Variants in ASTN2 observed in about 807,000 individuals in gnomAD.
ASTN2 encodes the protein astrotactin 2.
Under a neutral mutation model 139.8 loss-of-function variants are expected in ASTN2, and 54 were observed. The observed-to-expected ratio is 0.39, with a 90% CI of 0.31 to 0.48. The LOEUF (loss-of-function observed/expected upper bound fraction) is 0.48, where lower values mean the gene tolerates loss of function less well. Ranked by LOEUF, ASTN2 falls within the 20% of genes least tolerant of loss-of-function variation. The pLI, the probability that ASTN2 is intolerant of heterozygous loss-of-function variation, is 0.95. For synonymous variants in ASTN2, 756 were observed against 719.5 expected (o/e 1.05, Z -0.81); for missense variants, 1,565 against 1,725.1 (o/e 0.91, Z 1.64).
chr9:116,586,241 T>C (rs1854139265), intron 19 of ASTN2: 2 of 152,222 alleles, frequency 1.3e-5, no homozygotes. Flanking sequence ...AGTTTGGAGA[T>C]TTCTCAAAGA....
intron 3 of ASTN2, among the ~76,000 whole-genome samples, chr9:117,163,624 T>C (rs1454664915): frequency 6.6e-6 from 1 of 152,092 alleles, no homozygotes; most frequent in Non-Finnish European, 1.5e-5. Context: ...TTACTTAGCA[T>C]GGAAGTGGCA....
intron 19 of ASTN2, among the ~76,000 whole-genome samples, chr9:116,529,103 A>T (rs1348401043): frequency 6.6e-6 from 1 of 152,120 alleles, no homozygotes; most frequent in East Asian, 1.9e-4. Context: ...CAGACCCCAG[A>T]ATAGTAAATC....
At chr9:117,176,307 G>A (rs1282850525) in intron 3 of ASTN2, among the ~76,000 whole-genome samples, 2 of 152,084 alleles carry the variant, frequency 1.3e-5, no homozygotes, top group Non-Finnish European at 2.9e-5. Flanking sequence ...ATAAGATTAT[G>A]ATACCATATA....
intron 13 of ASTN2, among the ~76,000 whole-genome samples, chr9:116,746,083 CTTT>C (rs745554164): frequency 4.8e-5 from 6 of 124,260 alleles, no homozygotes; most frequent in Admixed American, 2.5e-4. Context: ...AAACTGAGTA[CTTT>C]TTTTTTTTTT....
intron 7 of ASTN2, among the ~76,000 whole-genome samples, chr9:117,006,830 C>T (rs755595970): frequency 4.6e-5 from 7 of 152,118 alleles, no homozygotes; most frequent in Non-Finnish European, 1.0e-4. Context: ...ATAAACAGCA[C>T]ATTAGGCTGG....
Position 116,974,854 on chromosome 9 carries a change from C to A in ASTN2, c.1889+354G>T, listed in dbSNP as rs181438374. ...TTCATAAATTAGCCCAAAGCACATC[C>A]CATGGACTACAACAGAAAACATCCC... On this transcript the variant is annotated intron_variant, in intron 10 of 22. Coordinates refer to ENST00000313400, the MANE Select transcript of ASTN2 (RefSeq NM_001365068.1). 2.0e-3 allele frequency among the ~76,000 whole-genome samples: 298 copies of A among 152,214 alleles called. 1 individual carries two copies. The highest frequency in any genetic ancestry group is 6.9e-3 in the African/African-American group (287 of 41,546).
intron 3 of ASTN2, among the ~76,000 whole-genome samples, chr9:117,205,793 TATC>T (rs1831900844): frequency 6.6e-6 from 1 of 152,192 alleles, no homozygotes; most frequent in African/African-American, 2.4e-5. Flanking sequence ...TTTCACCCGT[TATC>T]ATCATCAGCC....
intron 13 of ASTN2, among the ~76,000 whole-genome samples, chr9:116,763,691 C>T (rs901074021): frequency 4.6e-5 from 7 of 152,132 alleles, no homozygotes; most frequent in Non-Finnish European, 8.8e-5. Context: ...GAGTTTGTTT[C>T]TTTGTGGGTA....
At chr9:116,718,014 C>T (rs1330663271) in intron 16 of ASTN2, among the ~76,000 whole-genome samples, 2 of 152,210 alleles carry the variant, frequency 1.3e-5, no homozygotes, top group Non-Finnish European at 2.9e-5. Context: ...GGTCCCTGCC[C>T]TCACAGAGCT....
At chr9:116,606,682 C>T (rs1041596544) in intron 19 of ASTN2, among the ~76,000 whole-genome samples, 2 of 151,582 alleles carry the variant, frequency 1.3e-5, no homozygotes, top group African/African-American at 4.9e-5. Flanking sequence ...TTATTCCTCC[C>T]TTTAATTTTT....
chr9:117,058,089 C>T (rs954246659), intron 5 of ASTN2, among the ~76,000 whole-genome samples: 2 of 152,170 alleles, frequency 1.3e-5, no homozygotes, highest in African/African-American at 2.4e-5. Flanking sequence ...TGCCCCCCTG[C>T]CATGTTACTC....
intron 4 of ASTN2, among the ~76,000 whole-genome samples, chr9:117,120,018 G>GTGTGTATATA (rs1306397698): frequency 0.022 from 996 of 45,884 alleles, 23 homozygotes; most frequent in Non-Finnish European, 0.028. Flanking sequence ...GTGTGTGTGT[G>GTGTGTATATA]TATATATATA....
At chr9:116,552,790 G>A (rs1441306324) in intron 19 of ASTN2, among the ~76,000 whole-genome samples, 1 of 152,204 alleles carries the variant, frequency 6.6e-6, no homozygotes. Context: ...CACCAGGGAT[G>A]AGGTTTGGGG....
At chr9:117,341,458 A>G (rs1829058883) in intron 1 of ASTN2, among the ~76,000 whole-genome samples, 1 of 152,158 alleles carries the variant, frequency 6.6e-6, no homozygotes, top group Admixed American at 6.5e-5. Flanking sequence ...AACAAAAAGA[A>G]GGAGAAAGGG....
chr9:117,176,493 A>T (rs184309075), intron 3 of ASTN2, among the ~76,000 whole-genome samples: 1 of 152,314 alleles, frequency 6.6e-6, no homozygotes, highest in Non-Finnish European at 1.5e-5. Context: ...ATATGTAATT[A>T]TATTTACTTT....
At chr9:117,400,685 A>G (rs1830805000) in intron 1 of ASTN2, among the ~76,000 whole-genome samples, 1 of 152,178 alleles carries the variant, frequency 6.6e-6, no homozygotes, top group Admixed American at 6.5e-5. Flanking sequence ...GAAAGGATAG[A>G]GAAGGAAAGG....
intron 3 of ASTN2, among the ~76,000 whole-genome samples, chr9:117,179,719 G>A (rs1831009016): frequency 1.3e-5 from 2 of 152,052 alleles, no homozygotes; most frequent in African/African-American, 4.8e-5. Context: ...AGGACTGCTG[G>A]GCCTAAAGGC....
At chr9:116,885,696 A>C (rs537129170) in intron 10 of ASTN2, among the ~76,000 whole-genome samples, 69 of 152,240 alleles carry the variant, frequency 4.5e-4, no homozygotes, top group South Asian at 3.3e-3. Context: ...AACAAACAAA[A>C]AAAAACCTCT....
At chr9:117,095,346 G>A (rs1010165265) in intron 5 of ASTN2, among the ~76,000 whole-genome samples, 3 of 152,200 alleles carry the variant, frequency 2.0e-5, no homozygotes, top group African/African-American at 7.2e-5. Context: ...ATCAGGGAAC[G>A]ATGGATCTTG....
Sources: allele counts gnomAD v4.1 joint callset (sites outside exome capture counted in the v4.1 genomes callset), GRCh38; gene constraint gnomAD v4.1.1; transcripts MANE v1.5; gene names NCBI Gene and HGNC (gene_info 2026-07-23, HGNC 2026-07-21).